DYSF: variants seen among roughly 807,000 people sequenced by gnomAD.
DYSF encodes dystrophy-associated fer-1-like 1.
In DYSF, 212 loss-of-function variants were observed where a neutral mutation model predicts 274.9. The ratio of observed to expected loss-of-function variants is 0.77; its 90% CI spans 0.69 to 0.86. The LOEUF is 0.86. DYSF is among the 40% of genes least tolerant of loss of function. The probability of loss-of-function intolerance (pLI) is 0.00; values close to 1 mark genes in which losing one functional copy is unlikely to be tolerated. For missense variants in DYSF, 2,666 were observed against 2,783.2 expected (o/e 0.96, Z 0.95); for synonymous variants, 1,091 against 1,078.7 (o/e 1.01, Z -0.22).
At position 71,679,141 on chromosome 2, in the gene DYSF, T is replaced by C; in HGVS notation, c.5969T>C (p.Phe1990Ser). 1.2e-6 allele frequency: 2 copies of C among 1,614,038 alleles called. No individual in the cohort carries two copies. The highest frequency in any genetic ancestry group is 1.7e-6 in the Non-Finnish European group (2 of 1,179,974). The change falls in exon 53 of 56, where the codon TTC becomes TCC. Residue 1990 changes from phenylalanine (F) to serine (S), a missense_variant. This residue lies in a region of DYSF where 1,460 missense variants were observed against 1,502.1 expected (regional missense o/e 0.97). Coordinates refer to ENST00000410020, the MANE Select transcript of DYSF (RefSeq NM_001130987.2). ...TCCTTGGACCAGCTGGATGATGCTT[T>C]CCACCCAGAATGGTTTGTGTCCCTT... The part of the protein sequence containing the change: ...KCSLDQLDDA[F>S]HPEWFVSLFE...
intron 1 of DYSF, among the ~76,000 whole-genome samples, chr2:71,469,408 G>C (rs1222831472): frequency 2.6e-5 from 4 of 151,800 alleles, no homozygotes; most frequent in African/African-American, 9.7e-5. Flanking sequence ...CCAGGCATAG[G>C]TGTTGTTTCT....
At chr2:71,547,766 G>A (rs1268513074) in intron 17 of DYSF, among the ~76,000 whole-genome samples, 1 of 152,206 alleles carries the variant, frequency 6.6e-6, no homozygotes, top group African/African-American at 2.4e-5. Flanking sequence ...TTGGTCAGAT[G>A]GCCGATGGGA....
intron 47 of DYSF, among the ~76,000 whole-genome samples, chr2:71,666,162 T>C (rs2095001827): frequency 6.6e-6 from 1 of 151,944 alleles, no homozygotes; most frequent in Non-Finnish European, 1.5e-5. Context: ...AATGAGCATC[T>C]GTTTTCGGGG....
intron 42 of DYSF, among the ~76,000 whole-genome samples, chr2:71,655,040 A>G (rs1350105863): frequency 6.6e-6 from 1 of 152,190 alleles, no homozygotes; most frequent in African/African-American, 2.4e-5. Flanking sequence ...GCAGTGAGCC[A>G]TGATTGCACC....
intron 33 of DYSF, among the ~76,000 whole-genome samples, 165 bp downstream of exon 33, chr2:71,598,910 C>T (rs2093473080): frequency 6.6e-6 from 1 of 152,180 alleles, no homozygotes; most frequent in African/African-American, 2.4e-5. Context: ...GGATTGCTAG[C>T]ACAGATGCCG....
intron 42 of DYSF, among the ~76,000 whole-genome samples, chr2:71,651,535 AAG>A (rs1321829763): frequency 4.6e-5 from 7 of 152,312 alleles, no homozygotes; most frequent in Admixed American, 2.0e-4. Flanking sequence ...ATTACTTTCA[AAG>A]AGAGAGCTGG....
chr2:71,562,536 C>G (rs576819101), intron 23 of DYSF, among the ~76,000 whole-genome samples: 15 of 152,322 alleles, frequency 9.8e-5, no homozygotes, highest in East Asian at 9.6e-4. Flanking sequence ...TGCACCCACC[C>G]GGTTCTGTGG....
At chr2:71,632,905 C>T (rs536652971) in intron 41 of DYSF, among the ~76,000 whole-genome samples, 85 of 152,368 alleles carry the variant, frequency 5.6e-4, no homozygotes, top group African/African-American at 1.6e-3. Context: ...ATCAGGTCCC[C>T]TTGCCATCTG....
At position 71,682,603 on chromosome 2, in the gene DYSF, C is replaced by G; in HGVS notation, c.6247C>G (p.Arg2083Gly). The G allele has an allele frequency of 6.2e-7, 1 of 1,614,126 alleles. No individual in the cohort carries two copies. The highest frequency in any genetic ancestry group is 1.1e-5 in the South Asian group (1 of 91,080). ...TMKFILWRRF[R>G]WAIILFIILF... ...GAAGTTCATCCTGTGGCGGCGTTTC[C>G]GGTGGGCCATCATCCTCTTCATCAT... The change falls in exon 55 of 56, where the codon CGG (arginine) becomes GGG (glycine). Residue 2083 changes from arginine to glycine, a missense_variant. By Grantham distance (125) the Arg-to-Gly change is moderately radical. Coordinates refer to ENST00000410020, the MANE Select transcript of DYSF (RefSeq NM_001130987.2).
intron 51 of DYSF, among the ~76,000 whole-genome samples, chr2:71,670,277 G>A (rs2095096426): frequency 6.6e-6 from 1 of 152,188 alleles, no homozygotes; most frequent in Non-Finnish European, 1.5e-5. Flanking sequence ...CCCTACCTCA[G>A]ACAAGTTAAG....
At chr2:71,465,911 G>T (rs6748767), upstream of DYSF, among the ~76,000 whole-genome samples, 34,022 of 152,104 alleles carry the variant, frequency 0.22, 4,232 homozygotes, top group East Asian at 0.45. Context: ...GGAGACTAGG[G>T]AGTGTAGAGA....
rs1374151845 is a variant in DYSF, at chr2:71,493,953, C to T, written c.240-9261C>T. Among the ~76,000 whole-genome samples the T allele has an allele frequency of 2.0e-5, 3 of 151,112 alleles. 1 individual carries two copies. In the South Asian group the frequency reaches 6.3e-4, roughly 32 times the overall value. On this transcript the variant is annotated intron_variant, in intron 3 of 55. Transcript: ENST00000410020. Reference sequence around the variant, plus strand: ...TACATAATTATTTTGAAATATTATCCTTGGCTATAAAAATCAATTACAAGG... The same window carrying T: ...TACATAATTATTTTGAAATATTATCTTTGGCTATAAAAATCAATTACAAGG...
intron 29 of DYSF, among the ~76,000 whole-genome samples, chr2:71,571,280 C>A (rs1469364083): frequency 6.7e-6 from 1 of 148,354 alleles, no homozygotes; most frequent in Non-Finnish European, 1.5e-5. Flanking sequence ...AGCACACCCA[C>A]AGTTCACACC....
chr2:71,482,948 T>A (rs1188412246), intron 3 of DYSF, among the ~76,000 whole-genome samples: 11 of 152,092 alleles, frequency 7.2e-5, no homozygotes, highest in Non-Finnish European at 1.3e-4. Context: ...GTCTGAGGCC[T>A]GAAAGCCTGG....
At chr2:71,680,554 C>T (rs150800638) in intron 53 of DYSF, among the ~76,000 whole-genome samples, 1 of 152,296 alleles carries the variant, frequency 6.6e-6, no homozygotes, top group Admixed American at 6.5e-5. Context: ...GAGTTGGAAA[C>T]AACCTAAATG....
intron 5 of DYSF, among the ~76,000 whole-genome samples, chr2:71,512,297 A>G (rs2152729491): frequency 6.6e-6 from 1 of 152,314 alleles, no homozygotes; most frequent in Non-Finnish European, 1.5e-5. Context: ...AACTCCCCAG[A>G]ACCGAATGTT....
chr2:71,682,418 C>T (rs1573201678), intron 54 of DYSF, 112 bp from the exon 55 acceptor site: 1 of 1,377,016 alleles, frequency 7.3e-7, no homozygotes, highest in Admixed American at 1.7e-5. Flanking sequence ...TGGGCAGGCG[C>T]TGGGGGTGGA....
At chr2:71,461,032 T>G (rs2081263899) in intron 1 of DYSF, among the ~76,000 whole-genome samples, 1 of 151,858 alleles carries the variant, frequency 6.6e-6, no homozygotes, top group African/African-American at 2.4e-5. Flanking sequence ...TGAGAACCAC[T>G]GGCTGAACTC....
intron 21 of DYSF, among the ~76,000 whole-genome samples, chr2:71,554,458 G>A (rs1023393149): frequency 1.3e-5 from 2 of 152,142 alleles, no homozygotes; most frequent in Middle Eastern, 3.2e-3. Flanking sequence ...GTGGGGCTCC[G>A]AGCAGGGCAG....
Sources: allele counts gnomAD v4.1 joint callset (sites outside exome capture counted in the v4.1 genomes callset), GRCh38; gene constraint gnomAD v4.1.1; regional missense constraint gnomAD v4.1.1; transcripts MANE v1.5; gene names NCBI Gene and HGNC (gene_info 2026-07-23, HGNC 2026-07-21).